The following CCDC50 variants were observed in gnomAD, a reference collection of about 807,000 sequenced individuals.
CCDC50 encodes coiled-coil domain-containing protein 50.
CCDC50 carries 54 observed loss-of-function variants against 70.2 expected under a neutral mutation model. The ratio of observed to expected loss-of-function variants is 0.77; its 90% CI spans 0.62 to 0.96. The LOEUF (loss-of-function observed/expected upper bound fraction) is 0.96, where lower values mean the gene tolerates loss of function less well. Among genes scored for constraint, CCDC50 ranks in the 50% least tolerant of loss-of-function variants. The pLI is 0.00. For synonymous variants in CCDC50, 216 were observed against 198.8 expected, an observed-to-expected ratio of 1.09 and a Z score of -0.73; for missense variants, 558 against 578.7, an observed-to-expected ratio of 0.96 and a Z score of 0.37.
At chr3:191,378,582 A>G (rs1205538976) in intron 6 of CCDC50, among the ~76,000 whole-genome samples, 2 of 152,074 alleles carry the variant, frequency 1.3e-5, no homozygotes, top group East Asian at 3.8e-4. Context: ...TATATAGCAG[A>G]CTATCTTGTC....
chr3:191,350,359 C>T (rs1451133869), intron 1 of CCDC50, among the ~76,000 whole-genome samples: 2 of 141,918 alleles, frequency 1.4e-5, no homozygotes, highest in Non-Finnish European at 3.2e-5. Flanking sequence ...TATAGTCCCT[C>T]TGCTACTCAT....
chr3:191,359,068 A>G (rs543071), intron 3 of CCDC50, among the ~76,000 whole-genome samples: 38,498 of 152,092 alleles, frequency 0.25, 6,336 homozygotes, highest in African/African-American at 0.46. Flanking sequence ...GATATGAATA[A>G]GACAGCTGTT....
intron 1 of CCDC50, among the ~76,000 whole-genome samples, chr3:191,343,576 A>C (rs1711808389): frequency 6.6e-6 from 1 of 152,236 alleles, no homozygotes; most frequent in African/African-American, 2.4e-5. Context: ...TATGATTTTA[A>C]GAGTAATTAG....
In CCDC50 at chr3:191,389,512, A is replaced by G. The variant is rs999458041; in HGVS notation, c.1339A>G (p.Met447Val). The G allele has an allele frequency of 3.0e-5, 49 of 1,613,986 alleles. No individual in the cohort carries two copies. The highest frequency in any genetic ancestry group is 3.8e-5 in the Non-Finnish European group (45 of 1,179,936). The change falls in exon 11 of 12, where the codon ATG (methionine) becomes GTG (valine). Residue 447 changes from methionine to valine, a missense_variant. Physicochemically the swap from Met to Val is conservative, Grantham distance 21 (BLOSUM62 1). Coordinates refer to ENST00000392455, the MANE Select transcript of CCDC50 (RefSeq NM_178335.3). Reference sequence around the variant, plus strand: ...TCCTTTTAGGCCACCACCACCTATCATGACAGATGGTGAAGATGCGGATTA... The same window carrying G: ...TCCTTTTAGGCCACCACCACCTATCGTGACAGATGGTGAAGATGCGGATTA... ...ERPARPPPPIMTDGEDADYTH... is the reference protein window; with the variant it reads ...ERPARPPPPIVTDGEDADYTH...
Position 191,395,740 on chromosome 3 carries a change from C to G in CCDC50, c.*3980C>G, listed in dbSNP as rs561768983. ...TGAAACGATCATAACAAAATCAAAA[C>G]CTCATGCTTCAGCAAAAAGGAAAAA... On this transcript the variant is annotated 3_prime_UTR_variant, in exon 12 of 12. Transcript: ENST00000392455. 6.6e-6 allele frequency: 1 copy of G among 152,200 alleles called. No homozygotes were observed. Among genetic ancestry groups the G allele is most frequent in the Admixed American group, 6.5e-5 (1 of 15,288 alleles). The allele number at this position is 152,200 out of a possible 1,614,324, so 9.4% of individuals were successfully genotyped here. A position where few individuals can be genotyped will look rare whatever the true frequency, so the allele number is the denominator to read the frequency against.
chr3:191,383,047 AG>A (rs1713373186), intron 10 of CCDC50, among the ~76,000 whole-genome samples: 1 of 152,192 alleles, frequency 6.6e-6, no homozygotes, highest in African/African-American at 2.4e-5. Flanking sequence ...GGGGTGGATA[AG>A]GAAGAATGTA....
rs1478170237 is a variant in CCDC50 at position 191,392,622 on chromosome 3, A to G, written c.*862A>G. On this transcript the variant is annotated 3_prime_UTR_variant, in exon 12 of 12. Coordinates refer to ENST00000392455, the MANE Select transcript of CCDC50 (RefSeq NM_178335.3). ...CTTTTCTCTTGCTTCAAGTCAGAGC[A>G]GTATTTGTTGATAACCTCTCAATAA... is the stretch of plus-strand genomic sequence containing the variant. 1.3e-5 allele frequency: 2 copies of G among 152,254 alleles called. No individual in the cohort carries two copies. Among genetic ancestry groups the G allele is most frequent in the Non-Finnish European group, 2.9e-5 (2 of 68,048 alleles). The allele number at this position is 152,254 out of a possible 1,614,324, so 9.4% of individuals were successfully genotyped here. A position where few individuals can be genotyped will look rare whatever the true frequency, so the allele number is the denominator to read the frequency against.
chr3:191,329,853 G>A (rs900370429), intron 1 of CCDC50, 130 bp downstream of exon 1: 15 of 772,182 alleles, frequency 1.9e-5, no homozygotes, highest in East Asian at 3.8e-5. Flanking sequence ...GGCCTTGCCC[G>A]GACGTGAAAG....
chr3:191,373,833 G>A (rs1712997309), intron 5 of CCDC50, among the ~76,000 whole-genome samples: 1 of 152,110 alleles, frequency 6.6e-6, no homozygotes, highest in Admixed American at 6.6e-5. Flanking sequence ...GAAAGCACAA[G>A]AGGAAACAAT....
Position 191,358,117 on chromosome 3 carries a change from A to G in CCDC50, c.232A>G (p.Lys78Glu). Residue 78 changes from lysine (K) to glutamate (E), a missense_variant, in exon 3 of 12, where the codon AAA (lysine) becomes GAA (glutamate). Transcript: ENST00000392455. ...GCAGGCCCAGCTCCAGAAGCGCTAC[A>G]AAGACCTGTGAGGATTTGGGAGGTG... ...KAQAQLQKRY[K>E]DLEQQDCEIA... The G allele has an allele frequency of 6.2e-7, 1 of 1,613,818 alleles. No homozygotes were observed. Among genetic ancestry groups the G allele is most frequent in the African/African-American group, 1.3e-5 (1 of 74,986 alleles).
At chr3:191,383,358 G>A (rs1175264905) in intron 10 of CCDC50, among the ~76,000 whole-genome samples, 1 of 151,860 alleles carries the variant, frequency 6.6e-6, no homozygotes, top group African/African-American at 2.4e-5. Flanking sequence ...TAATAGTTAT[G>A]GAGCAGCTGC....
At chr3:191,335,716 C>T (rs1711509408) in intron 1 of CCDC50, among the ~76,000 whole-genome samples, 1 of 152,082 alleles carries the variant, frequency 6.6e-6, no homozygotes, top group Non-Finnish European at 1.5e-5. Context: ...TTCTAATAAA[C>T]CAGAACCAGT....
chr3:191,339,309 T>C (rs1711629492), intron 1 of CCDC50, among the ~76,000 whole-genome samples: 1 of 152,216 alleles, frequency 6.6e-6, no homozygotes, highest in Non-Finnish European at 1.5e-5. Context: ...TGGTTAAAAA[T>C]ATGCAGTGCT....
intron 1 of CCDC50, among the ~76,000 whole-genome samples, chr3:191,345,239 G>A (rs952099760): frequency 2.6e-5 from 4 of 152,108 alleles, no homozygotes; most frequent in African/African-American, 7.2e-5. Flanking sequence ...AGCAAAAAAA[G>A]GTTTTGGATT....
At chr3:191,360,981 G>T (rs1712466185) in intron 3 of CCDC50, 88 bp from the exon 4 acceptor site, 2 of 867,272 alleles carry the variant, frequency 2.3e-6, no homozygotes, top group African/African-American at 3.4e-5. Flanking sequence ...TTCTCATATA[G>T]TGAGTATTCA....
At chr3:191,330,607 A>G (rs182969158) in intron 1 of CCDC50, 100 of 152,314 alleles carry the variant, frequency 6.6e-4, no homozygotes, top group Non-Finnish European at 6.6e-4. Flanking sequence ...CTAAGTTCCA[A>G]GGGCTTTGCA....
intron 11 of CCDC50, among the ~76,000 whole-genome samples, chr3:191,389,903 C>G (rs1361428492): frequency 7.2e-6 from 1 of 138,526 alleles, no homozygotes; most frequent in Non-Finnish European, 1.5e-5. Flanking sequence ...CTGTGTTGCC[C>G]AGGCTGGAAT....
At position 191,382,742 on chromosome 3, in the gene CCDC50, A is replaced by C; in HGVS notation, c.1243-4A>C. On this transcript the variant is annotated splice_polypyrimidine_tract_variant and splice_region_variant and intron_variant, in intron 9 of 11. Coordinates refer to ENST00000392455, the MANE Select transcript of CCDC50 (RefSeq NM_178335.3). ...TGTTTGTTTGTTTGTATTTTTGTCC[A>C]TAGCCAAAAACAGCTAAAGCAGCAA... 2 of 1,603,170 alleles carry C rather than the reference A, an allele frequency of 1.2e-6. No individual in the cohort carries two copies. The highest frequency in any genetic ancestry group is 2.2e-5 in the South Asian group (2 of 90,866).
chr3:191,358,883 A>C (rs1712389100), intron 3 of CCDC50, among the ~76,000 whole-genome samples: 1 of 152,226 alleles, frequency 6.6e-6, no homozygotes, highest in Non-Finnish European at 1.5e-5. Context: ...CTTCAGTGTC[A>C]TATTCAGGTA....
Sources: gnomAD v4.1 joint callset for allele counts (sites outside exome capture counted in the v4.1 genomes callset) on GRCh38, gnomAD v4.1.1 for gene constraint, MANE v1.5 for transcripts, NCBI Gene and HGNC (gene_info 2026-07-23, HGNC 2026-07-21) for gene names.